Variants in RYR2 observed in about 807,000 individuals in gnomAD.
The protein encoded by RYR2 is cardiac muscle ryanodine receptor-calcium release channel.
RYR2 carries 227 observed loss-of-function variants against 601.1 expected under a neutral mutation model. That is an observed-to-expected ratio of 0.38 (90% confidence interval 0.34 to 0.42). RYR2 has a LOEUF of 0.42. RYR2 is among the 10% of genes least tolerant of loss of function. RYR2 has a pLI of 1.00. For synonymous variants in RYR2, 2,223 were observed against 2,175.1 expected (o/e 1.02, Z -0.61); for missense variants, 4,646 against 6,156.5 (o/e 0.75, Z 8.21).
chr1:237,553,012 G>A (rs1045041853), intron 27 of RYR2, among the ~76,000 whole-genome samples: 1 of 151,980 alleles, frequency 6.6e-6, no homozygotes, highest in Middle Eastern at 3.2e-3. Context: ...GTCAGGTATG[G>A]AAGGATTTTC....
chr1:237,784,935 A>T lies in RYR2; in HGVS notation c.13223A>T (p.Asn4408Ile), dbSNP rs1296587731. The T allele has an allele frequency of 6.2e-7, 1 of 1,605,588 alleles. No homozygotes were observed. The highest frequency in any genetic ancestry group is 1.3e-5 in the African/African-American group (1 of 74,916). ...PNAGLSDLMSNPVPMPEVQEK... is the reference protein window; with the variant it reads ...PNAGLSDLMSIPVPMPEVQEK... ...GCTGGGCTCAGTGACCTCATGAGCA[A>T]CCCAGTCCCCATGCCTGAGGTGCAG... Residue 4408 changes from asparagine to isoleucine, a missense_variant, in exon 90 of 105, where the codon AAC becomes ATC. This residue lies in a region of RYR2 where 364 missense variants were observed against 442.9 expected (regional missense o/e 0.82). Coordinates refer to ENST00000366574, the MANE Select transcript of RYR2 (RefSeq NM_001035.3). This position sits in a 1 kb window ranked among gnomAD's most constrained non-coding sequence, Gnocchi z 7.1.
rs952112176 is a variant in RYR2 at position 237,420,777 on chromosome 1, T to C, written c.849-2315T>C. On this transcript the variant is annotated intron_variant, in intron 11 of 104. Coordinates refer to ENST00000366574, the MANE Select transcript of RYR2 (RefSeq NM_001035.3). Reference sequence around the variant, plus strand: ...AAATAGTATATATCTGGTTAAAATTTTGTGCTGTTTTGAAAATGAAGGTGT... The same window carrying C: ...AAATAGTATATATCTGGTTAAAATTCTGTGCTGTTTTGAAAATGAAGGTGT... Among the ~76,000 whole-genome samples the C allele has an allele frequency of 2.0e-5, 3 of 152,300 alleles. No individual in the cohort carries two copies. The East Asian group carries it at 5.8e-4, about 29-fold the overall frequency.
chr1:237,379,845 G>A (rs752067200), intron 8 of RYR2, among the ~76,000 whole-genome samples: 42 of 152,126 alleles, frequency 2.8e-4, no homozygotes, highest in Middle Eastern at 3.2e-3. Flanking sequence ...GGAGCTATAA[G>A]AGAGCAGCCA....
intron 14 of RYR2, among the ~76,000 whole-genome samples, chr1:237,448,191 T>A (rs966660707): frequency 2.6e-5 from 4 of 152,122 alleles, no homozygotes; most frequent in Admixed American, 2.6e-4. Context: ...CCTCACAGAG[T>A]GCTGGGATTA....
chr1:237,496,374 C>A, intron 19 of RYR2, 137 bp from the exon 20 acceptor site: 1 of 1,204,832 alleles, frequency 8.3e-7, no homozygotes, highest in Non-Finnish European at 1.1e-6. Context: ...CACTACTGCG[C>A]TTCAGCCTAG....
Position 237,295,945 on chromosome 1 carries a change from C to A in RYR2, c.168+25329C>A, listed in dbSNP as rs540175176. 3.9e-5 allele frequency among the ~76,000 whole-genome samples: 6 copies of A among 152,212 alleles called. No individual in the cohort carries two copies. In the Middle Eastern group the frequency reaches 0.017, roughly 431 times the overall value. The stretch of plus-strand genomic sequence containing the variant: ...TAGTAGATAAAGACAGGAAATAAAC[C>A]ATTTAGCTAATAATTAGTGATGCAT... On this transcript the variant is annotated intron_variant, in intron 2 of 104. Transcript: ENST00000366574.
intron 1 of RYR2, among the ~76,000 whole-genome samples, chr1:237,238,832 C>T (rs1389941402): frequency 2.6e-5 from 4 of 151,828 alleles, no homozygotes; most frequent in Non-Finnish European, 4.4e-5. Flanking sequence ...TATTCTCTAA[C>T]ATATTTACTA....
intron 1 of RYR2, among the ~76,000 whole-genome samples, chr1:237,158,163 A>C (rs924336453): frequency 1.2e-4 from 18 of 152,236 alleles, no homozygotes; most frequent in African/African-American, 4.3e-4. Context: ...CATAGAAAGT[A>C]CCAAATAAGT....
chr1:237,126,498 C>T (rs1671440116), intron 1 of RYR2, among the ~76,000 whole-genome samples: 1 of 152,274 alleles, frequency 6.6e-6, no homozygotes, highest in East Asian at 1.9e-4. Context: ...CCTCCTACCC[C>T]ATCAGCCTGG....
chr1:237,803,491 G>C (rs373216153), intron 98 of RYR2, among the ~76,000 whole-genome samples: 1 of 151,906 alleles, frequency 6.6e-6, no homozygotes, highest in East Asian at 1.9e-4. Flanking sequence ...TAGTAGAGAC[G>C]GGGTTTCACC....
chr1:237,570,591 A>C (rs1027950952), intron 29 of RYR2, among the ~76,000 whole-genome samples: 2 of 151,990 alleles, frequency 1.3e-5, no homozygotes, highest in Non-Finnish European at 2.9e-5. Flanking sequence ...CACCCACCTC[A>C]GTCCTCCAAA....
intron 1 of RYR2, among the ~76,000 whole-genome samples, chr1:237,173,708 G>A (rs1677679407): frequency 6.6e-6 from 1 of 152,146 alleles, no homozygotes; most frequent in African/African-American, 2.4e-5. Context: ...TGCTTGGTAG[G>A]CATTATAAAA....
At chr1:237,677,174 A>G (rs1685475025) in intron 60 of RYR2, among the ~76,000 whole-genome samples, 2 of 152,114 alleles carry the variant, frequency 1.3e-5, no homozygotes, top group Non-Finnish European at 2.9e-5. Context: ...TTATTTTGCA[A>G]AATAACTTCT....
chr1:237,174,515 A>C (rs930105155), intron 1 of RYR2, among the ~76,000 whole-genome samples: 1 of 151,888 alleles, frequency 6.6e-6, no homozygotes, highest in Admixed American at 6.6e-5. Context: ...TTCCTCCCTC[A>C]CTGTTCACCC....
intron 1 of RYR2, among the ~76,000 whole-genome samples, chr1:237,179,813 G>T (rs1237472584): frequency 6.6e-6 from 1 of 152,072 alleles, no homozygotes; most frequent in East Asian, 1.9e-4. Context: ...GGAGAAGCGT[G>T]GGGGAATCTG....
intron 1 of RYR2, among the ~76,000 whole-genome samples, chr1:237,048,240 A>G (rs1660833143): frequency 6.6e-6 from 1 of 152,186 alleles, no homozygotes; most frequent in Non-Finnish European, 1.5e-5. Flanking sequence ...TTACGGACTT[A>G]GAACAACAGT....
intron 17 of RYR2, among the ~76,000 whole-genome samples, chr1:237,487,400 T>C (rs75134454): frequency 0.031 from 4,724 of 152,012 alleles, 192 homozygotes; most frequent in African/African-American, 0.086. Flanking sequence ...ACATTTGCTG[T>C]TTATTTCAAT....
At chr1:237,424,869 G>A (rs1350567917) in intron 12 of RYR2, among the ~76,000 whole-genome samples, 1 of 152,172 alleles carries the variant, frequency 6.6e-6, no homozygotes, top group Non-Finnish European at 1.5e-5. Context: ...TCTATTTGCA[G>A]TTGTCACTGG....
At chr1:237,356,305 C>CAA (rs11428577) in intron 4 of RYR2, among the ~76,000 whole-genome samples, 63 of 147,414 alleles carry the variant, frequency 4.3e-4, no homozygotes, top group African/African-American at 1.1e-3. Flanking sequence ...ATATCTTCTG[C>CAA]AAAAAAAAAC....
Sources: gnomAD v4.1 joint callset for allele counts (sites outside exome capture counted in the v4.1 genomes callset) on GRCh38, gnomAD v4.1.1 for gene constraint, gnomAD v4.1.1 regional missense constraint, Gnocchi (gnomAD v3.1) non-coding constraint, MANE v1.5 for transcripts, NCBI Gene and HGNC (gene_info 2026-07-23, HGNC 2026-07-21) for gene names.